The following COPS9 variants were observed in gnomAD, a reference collection of about 807,000 sequenced individuals.
The protein encoded by COPS9 is COP9 signalosome subunit 9, also known as COP9 signalosome complex subunit 9.
Under a neutral mutation model 7.2 loss-of-function variants are expected in COPS9, and 8 were observed. The ratio of observed to expected loss-of-function variants is 1.11; its 90% CI spans 0.65 to 2.00. The LOEUF (loss-of-function observed/expected upper bound fraction) is 2.00. Among genes scored for constraint, COPS9 ranks in the 30% most tolerant of loss-of-function variants. COPS9 has a pLI of 0.00. For synonymous variants in COPS9, 39 were observed against 28.7 expected (o/e 1.36, Z -1.14); for missense variants, 74 against 77.7 (o/e 0.95, Z 0.18).
intron 2 of COPS9, among the ~76,000 whole-genome samples, chr2:240,131,901 G>A (rs1040254015): frequency 6.6e-6 from 1 of 152,168 alleles, no homozygotes; most frequent in African/African-American, 2.4e-5. Flanking sequence ...GGGGCCTGCT[G>A]GCACCACAGC....
At position 240,136,205 on chromosome 2, in the gene COPS9, C is replaced by G; in HGVS notation, c.63+17G>C. The G allele has an allele frequency of 6.5e-7, 1 of 1,528,782 alleles. No individual in the cohort carries two copies. Among genetic ancestry groups the G allele is most frequent in the Non-Finnish European group, 8.8e-7 (1 of 1,141,346 alleles). 94.7% of individuals were successfully genotyped at this position (1,528,782 alleles called of 1,614,324 possible). On this transcript the variant is annotated intron_variant, in intron 1 of 2. Transcript: ENST00000607357. ...CCCGCTCCCCACGCTCGGAGACTCC[C>G]GCCGGGCCCGTGCCACCTCGTCCAG... is the stretch of plus-strand genomic sequence containing the variant.
intron 1 of COPS9, among the ~76,000 whole-genome samples, chr2:240,134,617 G>A (rs1038075043): frequency 1.3e-5 from 2 of 152,186 alleles, no homozygotes; most frequent in South Asian, 2.1e-4. Context: ...ACCCTGGACA[G>A]CTGGCCACAG....
chr2:240,130,836 C>A lies in COPS9; in HGVS notation c.*215G>T. On this transcript the variant is annotated 3_prime_UTR_variant, in exon 3 of 3. Coordinates refer to ENST00000607357, the MANE Select transcript of COPS9 (RefSeq NM_001163424.2). Reference sequence around the variant, plus strand: ...AGAGATCACTCCACATGTGACATTGCTTTCTTTTAATTGGAGTGAGGACAA... The same window carrying A: ...AGAGATCACTCCACATGTGACATTGATTTCTTTTAATTGGAGTGAGGACAA... 7.1e-7 allele frequency: 1 copy of A among 1,402,464 alleles called. No homozygotes were observed. The highest frequency in any genetic ancestry group is 2.7e-4 in the Middle Eastern group (1 of 3,756). 86.9% of individuals were successfully genotyped at this position (1,402,464 alleles called of 1,614,324 possible). A position where few individuals can be genotyped will look rare whatever the true frequency, so the allele number is the denominator to read the frequency against.
chr2:240,136,243 C>A lies in COPS9; in HGVS notation c.42G>T (p.Gly14=). ...AVDEMFPEGA[G]PYVDLDEAGG... ...CCACCTCGTCCAGGTCCACGTAGGGCCCGGCGCCCTCGGGGAACATCTCGT... is the reference window on the plus strand; with the variant it reads ...CCACCTCGTCCAGGTCCACGTAGGGACCGGCGCCCTCGGGGAACATCTCGT... Residue 14 remains glycine, a synonymous_variant, in exon 1 of 3, where the codon GGG becomes GGT. Coordinates refer to ENST00000607357, the MANE Select transcript of COPS9 (RefSeq NM_001163424.2). The A allele has an allele frequency of 6.4e-7, 1 of 1,567,492 alleles. No individual in the cohort carries two copies. Among genetic ancestry groups the A allele is most frequent in the Non-Finnish European group, 8.6e-7 (1 of 1,160,464 alleles).
chr2:240,131,030 C>T lies in COPS9; in HGVS notation c.*21G>A, dbSNP rs973200484. ...CGGCTCTGTACCAAGGGCTTGGCCC[C>T]GCCTGCAGCCAGAGGGCATCTCACT... is the stretch of plus-strand genomic sequence containing the variant. On this transcript the variant is annotated 3_prime_UTR_variant, in exon 3 of 3. Coordinates refer to ENST00000607357, the MANE Select transcript of COPS9 (RefSeq NM_001163424.2). 3 of 1,612,412 alleles carry T rather than the reference C, an allele frequency of 1.9e-6. No individual in the cohort carries two copies. The highest frequency in any genetic ancestry group is 2.5e-6 in the Non-Finnish European group (3 of 1,179,476).
chr2:240,126,883 C>T (rs6760806), downstream of COPS9: 361 of 1,614,198 alleles, frequency 2.2e-4, 2 homozygotes, highest in African/African-American at 4.4e-3. Flanking sequence ...TGCCCATGGC[C>T]TGTGCTCCCA....
chr2:240,130,690 A>T, downstream of COPS9: 1 of 736,596 alleles, frequency 1.4e-6, no homozygotes, highest in Non-Finnish European at 1.8e-6. Context: ...CCTTAACACA[A>T]GGTATCTGCT....
At chr2:240,126,748 T>C (rs747824554), downstream of COPS9, 1 of 1,614,140 alleles carries the variant, frequency 6.2e-7, no homozygotes, top group South Asian at 1.1e-5. Flanking sequence ...CCCAGCCACT[T>C]GGATTGGTTC....
chr2:240,134,871 C>T (rs1383980588), intron 1 of COPS9, among the ~76,000 whole-genome samples: 3 of 152,116 alleles, frequency 2.0e-5, no homozygotes, highest in Non-Finnish European at 4.4e-5. Flanking sequence ...TTCAACTCTC[C>T]TGTTCTCCCT....
downstream of COPS9, among the ~76,000 whole-genome samples, chr2:240,128,064 C>T (rs2071884543): frequency 6.6e-6 from 1 of 152,198 alleles, no homozygotes; most frequent in Admixed American, 6.5e-5. Context: ...AAGATGATGC[C>T]ACCAAGGTGT....
At chr2:240,130,089 C>T, downstream of COPS9, 1 of 1,366,862 alleles carries the variant, frequency 7.3e-7, no homozygotes, top group Non-Finnish European at 1.0e-6. Context: ...CCACTCACCA[C>T]TCATGAGAAA....
chr2:240,135,855 G>GGTTGATTCCCCACCGGC, intron 1 of COPS9: 1 of 260,932 alleles, frequency 3.8e-6, no homozygotes, highest in Non-Finnish European at 7.2e-6. Context: ...TCCCACACGA[G>GGTTGATTCCCCACCGGC]GTTATGGAGA....
At chr2:240,126,815 G>C (rs576478058), downstream of COPS9, 1 of 1,614,160 alleles carries the variant, frequency 6.2e-7, no homozygotes, top group South Asian at 1.1e-5. Context: ...TTGTTGCTTT[G>C]TTGGTGCCAC....
chr2:240,127,718 G>T (rs150686006), downstream of COPS9, among the ~76,000 whole-genome samples: 5 of 152,180 alleles, frequency 3.3e-5, no homozygotes, highest in East Asian at 9.7e-4. Context: ...AGTGCCCTTG[G>T]GGTGGCTTTC....
At chr2:240,131,229 A>C (rs1363207220) in intron 2 of COPS9, 141 bp from the exon 3 acceptor site, 3 of 1,043,300 alleles carry the variant, frequency 2.9e-6, no homozygotes, top group Non-Finnish European at 4.2e-6. Flanking sequence ...TTCCCGTAAC[A>C]GACTTTCAGT....
Position 240,131,191 on chromosome 2 carries a change from G to A in COPS9, c.137-103C>T, listed in dbSNP as rs12468062. The A allele has an allele frequency of 1.8e-3, 2,266 of 1,270,870 alleles. 19 individuals carry two copies. The Middle Eastern group carries it at 0.033, about 19-fold the overall frequency. 78.7% of individuals were successfully genotyped at this position (1,270,870 alleles called of 1,614,324 possible). A position where few individuals can be genotyped will look rare whatever the true frequency, so the allele number is the denominator to read the frequency against. ...AGTAGTCCAAAATACAGAGATAATC[G>A]TCAATGATCCAATGAAATAAAAGAC... On this transcript the variant is annotated intron_variant, in intron 2 of 2. Transcript: ENST00000607357.
downstream of COPS9, chr2:240,127,025 A>C: frequency 1.3e-6 from 2 of 1,502,292 alleles, no homozygotes; most frequent in Non-Finnish European, 9.0e-7. Flanking sequence ...GGGACAAGTC[A>C]TTCTGTCCAG....
intron 1 of COPS9, 105 bp downstream of exon 1, chr2:240,136,117 A>ACCCCC: frequency 4.1e-6 from 5 of 1,213,266 alleles, no homozygotes; most frequent in Non-Finnish European, 5.3e-6. Flanking sequence ...CCCATCGCCC[A>ACCCCC]CCCGCCCGGC....
intron 1 of COPS9, 163 bp from the exon 2 acceptor site, chr2:240,134,168 G>T (rs1234873960): frequency 3.3e-6 from 2 of 613,768 alleles, no homozygotes; most frequent in Middle Eastern, 4.4e-4. Flanking sequence ...ATGTGTATTG[G>T]GGGGAGGGGG....
Sources: gnomAD v4.1 joint callset for allele counts (sites outside exome capture counted in the v4.1 genomes callset) on GRCh38, gnomAD v4.1.1 for gene constraint, MANE v1.5 for transcripts, NCBI Gene and HGNC (gene_info 2026-07-23, HGNC 2026-07-21) for gene names.